Variants in ITGA8 observed in about 807,000 individuals in gnomAD.
ITGA8 encodes the protein integrin alpha-8.
In ITGA8, 91 loss-of-function variants were observed where a neutral mutation model predicts 142.3. That is an observed-to-expected ratio of 0.64 (90% CI 0.54 to 0.76). The LOEUF (loss-of-function observed/expected upper bound fraction) is 0.76, where lower values mean the gene tolerates loss of function less well. ITGA8 is among the 30% of genes least tolerant of loss of function. ITGA8 has a pLI of 0.00. For missense variants in ITGA8, 1,406 were observed against 1,327.7 expected (o/e 1.06, Z -0.92); for synonymous variants, 505 against 485.2 (o/e 1.04, Z -0.54).
At chr10:15,640,109 G>T (rs1232124096) in intron 13 of ITGA8, among the ~76,000 whole-genome samples, 1 of 152,216 alleles carries the variant, frequency 6.6e-6, no homozygotes, top group Non-Finnish European at 1.5e-5. Context: ...GCAACCGCTT[G>T]CAAAAGGCAT....
intron 12 of ITGA8, among the ~76,000 whole-genome samples, chr10:15,644,621 G>T (rs1017620364): frequency 1.8e-4 from 27 of 149,836 alleles, no homozygotes; most frequent in African/African-American, 6.4e-4. Context: ...GAGCCACTGT[G>T]CTTGGCCATA....
At chr10:15,679,854 A>T (rs1384766195) in intron 4 of ITGA8, among the ~76,000 whole-genome samples, 1 of 152,210 alleles carries the variant, frequency 6.6e-6, no homozygotes, top group African/African-American at 2.4e-5. Context: ...AGGACCAGGA[A>T]TTTACTACTT....
chr10:15,532,155 G>A (rs758227573), intron 27 of ITGA8, among the ~76,000 whole-genome samples: 4 of 151,832 alleles, frequency 2.6e-5, no homozygotes, highest in African/African-American at 4.8e-5. Context: ...TGCCGGCCGG[G>A]CGTGGTGGAA....
At chr10:15,529,484 G>T (rs1833247994) in intron 28 of ITGA8, among the ~76,000 whole-genome samples, 1 of 152,144 alleles carries the variant, frequency 6.6e-6, no homozygotes, top group African/African-American at 2.4e-5. Context: ...GAAAACCTTG[G>T]ATTTTCCTCT....
Position 15,527,906 on chromosome 10 carries a change from C to CTTTTTTTTTTTTTTTTT in ITGA8, c.2982+3127_2982+3143dup, listed in dbSNP as rs34758919. On this transcript the variant is annotated intron_variant, in intron 28 of 29. Transcript: ENST00000378076. ...TTAAAGCAATTCCCTTTCGGCTGGGCTTTTTTTTTTTTTTTTTTTTTTTTT... is the reference window on the plus strand; with the variant it reads ...TTAAAGCAATTCCCTTTCGGCTGGGCTTTTTTTTTTTTTTTTTTTTTTTTTTTTTTTTTTTTTTTTTT... 2.3e-4 allele frequency among the ~76,000 whole-genome samples: 18 copies of CTTTTTTTTTTTTTTTTT among 78,036 alleles called. 9 individuals are homozygous for CTTTTTTTTTTTTTTTTT. Among genetic ancestry groups the CTTTTTTTTTTTTTTTTT allele is most frequent in the African/African-American group, 2.1e-4 (4 of 18,992 alleles). 51.2% of individuals were successfully genotyped at this position (78,036 alleles called of 152,430 possible).
intron 22 of ITGA8, among the ~76,000 whole-genome samples, chr10:15,587,072 G>A (rs1832845202): frequency 6.6e-6 from 1 of 152,068 alleles, no homozygotes. Flanking sequence ...ACAGGCGTGT[G>A]CCACCACACC....
At position 15,610,330 on chromosome 10, in the gene ITGA8, A is replaced by C. The variant is rs559560010; in HGVS notation, c.1554-2040T>G. ...TTATATATAAGCACACATACATCAC[A>C]GGTCATATGGAGCATAGAATTAGGA... is the stretch of plus-strand genomic sequence containing the variant. On this transcript the variant is annotated intron_variant, in intron 15 of 29. Transcript: ENST00000378076. Among the ~76,000 whole-genome samples the C allele has an allele frequency of 3.9e-5, 6 of 152,328 alleles. No individual in the cohort carries two copies. The South Asian group carries it at 1.2e-3, about 32-fold the overall frequency.
intron 25 of ITGA8, among the ~76,000 whole-genome samples, chr10:15,563,793 T>A (rs1431176570): frequency 6.6e-6 from 1 of 152,076 alleles, no homozygotes; most frequent in Admixed American, 6.6e-5. Flanking sequence ...GGTGCACACC[T>A]GTAATCCCAG....
chr10:15,670,658 C>T (rs1407698177), intron 8 of ITGA8, among the ~76,000 whole-genome samples: 1 of 152,210 alleles, frequency 6.6e-6, no homozygotes, highest in Non-Finnish European at 1.5e-5. Flanking sequence ...ATCAAATCTA[C>T]ATAGGCAGCC....
At chr10:15,675,016 A>G (rs1834600778) in intron 6 of ITGA8, among the ~76,000 whole-genome samples, 2 of 151,972 alleles carry the variant, frequency 1.3e-5, no homozygotes, top group South Asian at 4.2e-4. Flanking sequence ...TTCTTCCATT[A>G]AAAAAATTCC....
At chr10:15,666,807 T>C (rs1032450376) in intron 8 of ITGA8, among the ~76,000 whole-genome samples, 1 of 152,240 alleles carries the variant, frequency 6.6e-6, no homozygotes, top group Non-Finnish European at 1.5e-5. Context: ...TCTGTTTATA[T>C]GTTGGATTAC....
At chr10:15,574,273 T>C (rs963543413) in intron 24 of ITGA8, among the ~76,000 whole-genome samples, 3 of 152,282 alleles carry the variant, frequency 2.0e-5, no homozygotes, top group African/African-American at 7.2e-5. Context: ...AATATTTTAC[T>C]AATCAGTGAA....
chr10:15,717,171 G>T (rs1835469587), intron 2 of ITGA8, among the ~76,000 whole-genome samples: 1 of 152,146 alleles, frequency 6.6e-6, no homozygotes, highest in African/African-American at 2.4e-5. Flanking sequence ...ATCAGATCCT[G>T]ATTTGATGTT....
At chr10:15,557,206 C>G (rs1331584433) in intron 26 of ITGA8, among the ~76,000 whole-genome samples, 1 of 152,178 alleles carries the variant, frequency 6.6e-6, no homozygotes, top group Non-Finnish European at 1.5e-5. Flanking sequence ...CATAGTGAAA[C>G]CTTACCTCTA....
chr10:15,607,851 T>C lies in ITGA8; in HGVS notation c.1610-20A>G, dbSNP rs1833224838. The C allele has an allele frequency of 1.9e-6, 3 of 1,607,244 alleles. No homozygotes were observed. Among genetic ancestry groups the C allele is most frequent in the Non-Finnish European group, 2.6e-6 (3 of 1,174,914 alleles). The stretch of plus-strand genomic sequence containing the variant: ...TCAAGACTAAAGGACAGAAGTAAAG[T>C]AGAGAAAAAGTATTCAGTGAACACA... On this transcript the variant is annotated intron_variant, in intron 16 of 29. Transcript: ENST00000378076.
intron 23 of ITGA8, among the ~76,000 whole-genome samples, chr10:15,576,802 C>A (rs1290101214): frequency 1.3e-5 from 2 of 152,172 alleles, no homozygotes; most frequent in African/African-American, 4.8e-5. Context: ...GGAATGAGTA[C>A]ATTTTAAAAA....
chr10:15,591,305 T>C (rs1832917755), intron 22 of ITGA8, among the ~76,000 whole-genome samples: 1 of 151,392 alleles, frequency 6.6e-6, no homozygotes, highest in South Asian at 2.1e-4. Context: ...ATTTTCAAAC[T>C]TTTTAAGCTG....
intron 14 of ITGA8, 102 bp from the exon 15 acceptor site, chr10:15,613,869 C>G: frequency 1.3e-6 from 1 of 752,388 alleles, no homozygotes; most frequent in Non-Finnish European, 2.3e-6. Context: ...AGACAGAATA[C>G]TCCACAGGCC....
intron 16 of ITGA8, 84 bp downstream of exon 16, chr10:15,608,150 AT>A (rs1162889744): frequency 9.1e-6 from 9 of 984,230 alleles, no homozygotes; most frequent in South Asian, 1.4e-5. Context: ...GGGTTCTTTC[AT>A]TTTTTTATGG....
Sources: allele counts gnomAD v4.1 joint callset (sites outside exome capture counted in the v4.1 genomes callset), GRCh38; gene constraint gnomAD v4.1.1; transcripts MANE v1.5; gene names NCBI Gene and HGNC (gene_info 2026-07-23, HGNC 2026-07-21).